The following RELN variants were observed in gnomAD, a reference collection of about 807,000 sequenced individuals.
The protein encoded by RELN is reelin.
In RELN, 108 loss-of-function variants were observed where a neutral mutation model predicts 427.6. The ratio of observed to expected loss-of-function variants is 0.25; its 90% CI spans 0.22 to 0.30. RELN has a LOEUF of 0.30. Ranked by LOEUF, RELN falls within the 10% of genes least tolerant of loss-of-function variation. RELN has a pLI of 1.00. For synonymous variants in RELN, 1,524 were observed against 1,513.4 expected (o/e 1.01, Z -0.16); for missense variants, 3,715 against 4,302.8 (o/e 0.86, Z 3.82).
chr7:103,741,124 G>C (rs999288228), intron 6 of RELN, among the ~76,000 whole-genome samples: 7 of 152,160 alleles, frequency 4.6e-5, no homozygotes, highest in Non-Finnish European at 1.5e-5. Flanking sequence ...AAACTCAAGT[G>C]ACAAAACATG....
chr7:103,575,492 C>G (rs914539711), intron 29 of RELN, 56 bp downstream of exon 29: 17 of 1,515,296 alleles, frequency 1.1e-5, no homozygotes, highest in Non-Finnish European at 1.6e-5. Context: ...TGAAACACAG[C>G]AACTAGAGAT....
chr7:103,494,748 T>A (rs1258608769), intron 57 of RELN, among the ~76,000 whole-genome samples: 2 of 152,144 alleles, frequency 1.3e-5, no homozygotes, highest in African/African-American at 2.4e-5. Flanking sequence ...TTTCATCCTA[T>A]ATGAATCAAG....
chr7:103,644,040 A>C (rs965392616), intron 16 of RELN, among the ~76,000 whole-genome samples: 1 of 151,948 alleles, frequency 6.6e-6, no homozygotes, highest in African/African-American at 2.4e-5. Context: ...AGTCTTTGCC[A>C]CTGAATGCTC....
At chr7:103,921,768 G>C (rs1443134275) in intron 1 of RELN, among the ~76,000 whole-genome samples, 1 of 152,136 alleles carries the variant, frequency 6.6e-6, no homozygotes, top group Non-Finnish European at 1.5e-5. Flanking sequence ...GAAAACATCT[G>C]ATTAAAGGAT....
intron 36 of RELN, among the ~76,000 whole-genome samples, chr7:103,558,404 T>C (rs1038876877): frequency 6.6e-6 from 1 of 152,160 alleles, no homozygotes; most frequent in Admixed American, 6.5e-5. Context: ...AGGAAGCAGA[T>C]GGAAAATGTG....
At chr7:103,780,338 T>C (rs1050866428) in intron 3 of RELN, among the ~76,000 whole-genome samples, 13 of 152,248 alleles carry the variant, frequency 8.5e-5, no homozygotes, top group African/African-American at 2.4e-4. Flanking sequence ...GTACATAGTA[T>C]TTGTCCAATT....
intron 1 of RELN, among the ~76,000 whole-genome samples, chr7:103,944,784 A>T (rs1796185877): frequency 6.6e-6 from 1 of 152,118 alleles, no homozygotes; most frequent in Admixed American, 6.5e-5. Flanking sequence ...GCAGACTGGG[A>T]TGTAAGTAAA....
Position 103,539,098 on chromosome 7 carries a change from G to A in RELN, c.7160C>T (p.Ser2387Leu), listed in dbSNP as rs539045917. ...FLQIDFAASC[S>L]VTDSCYAIEL... ...CTCACCATAACAAGAGTCTGTGACT[G>A]AGCAGGAGGCAGCGAAGTCTATCTG... Residue 2387 changes from serine (S) to leucine (L), a missense_variant, in exon 45 of 65, where the codon TCA (serine) becomes TTA (leucine). Physicochemically the swap from Ser to Leu is moderately radical, Grantham distance 145 (BLOSUM62 -2). This residue lies in a region of RELN where 1,310 missense variants were observed against 1,643.0 expected (regional missense o/e 0.80). Coordinates refer to ENST00000428762, the MANE Select transcript of RELN (RefSeq NM_005045.4). 77 of 1,614,146 alleles carry A rather than the reference G, an allele frequency of 4.8e-5. No homozygotes were observed. The South Asian group carries it at 7.8e-4, about 16-fold the overall frequency.
intron 24 of RELN, among the ~76,000 whole-genome samples, chr7:103,597,314 T>A (rs1584329678): frequency 6.6e-6 from 1 of 151,446 alleles, no homozygotes; most frequent in Admixed American, 6.6e-5. Context: ...AAAGAAAGAG[T>A]ACTTGAGGCC....
intron 1 of RELN, among the ~76,000 whole-genome samples, chr7:103,985,725 G>A (rs541129230): frequency 2.0e-5 from 3 of 152,320 alleles, no homozygotes; most frequent in Non-Finnish European, 2.9e-5. Flanking sequence ...GGGGCAAGGC[G>A]AGGAGTGGCA....
intron 22 of RELN, among the ~76,000 whole-genome samples, chr7:103,610,444 G>C (rs1831924216): frequency 1.3e-5 from 2 of 152,120 alleles, no homozygotes; most frequent in South Asian, 4.1e-4. Context: ...GGGCAAGTAG[G>C]AAAGTCAGAG....
chr7:103,722,371 T>C (rs1790098591), intron 8 of RELN, among the ~76,000 whole-genome samples: 4 of 152,110 alleles, frequency 2.6e-5, no homozygotes, highest in Admixed American at 2.6e-4. Flanking sequence ...GTTCTGAGCA[T>C]GGCTGGGGGA....
chr7:103,820,973 TTTAC>T (rs1288235102), intron 3 of RELN, among the ~76,000 whole-genome samples: 4 of 152,132 alleles, frequency 2.6e-5, no homozygotes, highest in Non-Finnish European at 5.9e-5. Flanking sequence ...TTTTTAGTGT[TTTAC>T]TTATTTGTTA....
chr7:103,855,574 T>C (rs1793926108), intron 2 of RELN, among the ~76,000 whole-genome samples: 1 of 152,218 alleles, frequency 6.6e-6, no homozygotes, highest in Non-Finnish European at 1.5e-5. Flanking sequence ...TTGAATTCCT[T>C]GCTTTATGCC....
intron 4 of RELN, among the ~76,000 whole-genome samples, chr7:103,764,832 C>CT (rs1327551992): frequency 1.7e-5 from 2 of 115,848 alleles, no homozygotes; most frequent in African/African-American, 9.3e-5. Flanking sequence ...TGAGACTCCT[C>CT]TCAAAAAAAA....
chr7:103,731,639 A>T (rs574732161), intron 6 of RELN, among the ~76,000 whole-genome samples: 3 of 152,228 alleles, frequency 2.0e-5, no homozygotes, highest in Admixed American at 2.0e-4. Context: ...TCCAACTTTT[A>T]GAAAAATTAC....
At chr7:103,830,955 A>T (rs1409165936) in intron 3 of RELN, among the ~76,000 whole-genome samples, 2 of 152,144 alleles carry the variant, frequency 1.3e-5, no homozygotes, top group Non-Finnish European at 2.9e-5. Context: ...GTAGTCAATA[A>T]AAACTGACGA....
At chr7:103,668,729 A>G (rs1422695537) in intron 11 of RELN, among the ~76,000 whole-genome samples, 1 of 152,214 alleles carries the variant, frequency 6.6e-6, no homozygotes, top group African/African-American at 2.4e-5. Flanking sequence ...TCATTCGCAA[A>G]TTAACCAGGA....
chr7:103,897,001 T>C (rs547396306), intron 2 of RELN, among the ~76,000 whole-genome samples: 41 of 152,044 alleles, frequency 2.7e-4, no homozygotes, highest in Admixed American at 4.6e-4. Context: ...GGAGCAAAGG[T>C]ATGTCTTACA....
Sources: allele counts gnomAD v4.1 joint callset (sites outside exome capture counted in the v4.1 genomes callset), GRCh38; gene constraint gnomAD v4.1.1; regional missense constraint gnomAD v4.1.1; transcripts MANE v1.5; gene names NCBI Gene and HGNC (gene_info 2026-07-23, HGNC 2026-07-21).